Variants in COL26A1 observed in about 807,000 individuals in gnomAD.
COL26A1 encodes collagen type XXVI alpha 1 chain, also known as collagen alpha-1(XXVI) chain.
A neutral mutation model predicts 59.3 loss-of-function variants in COL26A1; 41 were observed. That is an observed-to-expected ratio of 0.69 (90% confidence interval 0.54 to 0.90). The LOEUF (loss-of-function observed/expected upper bound fraction) is 0.90, where lower values mean the gene tolerates loss of function less well. Ranked by LOEUF, COL26A1 falls within the 40% of genes least tolerant of loss-of-function variation. The pLI is 0.00. For synonymous variants in COL26A1, 266 were observed against 256.0 expected, an observed-to-expected ratio of 1.04 and a Z score of -0.37; for missense variants, 612 against 602.3, an observed-to-expected ratio of 1.02 and a Z score of -0.17.
chr7:101,463,738 CT>C (rs1274413338), intron 3 of COL26A1, among the ~76,000 whole-genome samples: 6 of 105,742 alleles, frequency 5.7e-5, no homozygotes, highest in African/African-American at 1.9e-4. Context: ...TCTCTCCCCC[CT>C]CCCTTCCTTC....
chr7:101,415,377 C>A (rs2130257005), intron 1 of COL26A1, among the ~76,000 whole-genome samples: 1 of 152,234 alleles, frequency 6.6e-6, no homozygotes. Context: ...TGGTCTCGAA[C>A]TCCTGACTTC....
At chr7:101,434,473 G>A (rs897719810) in intron 2 of COL26A1, among the ~76,000 whole-genome samples, 9 of 151,802 alleles carry the variant, frequency 5.9e-5, no homozygotes, top group African/African-American at 2.2e-4. Flanking sequence ...TGTTGCCCAG[G>A]CTGGTCTTGA....
At chr7:101,442,851 G>A (rs530239529) in intron 2 of COL26A1, among the ~76,000 whole-genome samples, 43 of 152,342 alleles carry the variant, frequency 2.8e-4, no homozygotes, top group African/African-American at 9.1e-4. Flanking sequence ...GTGTGAGTGC[G>A]TGTGTGGAAG....
intron 10 of COL26A1, 95 bp downstream of exon 10, chr7:101,551,238 T>TTGGGGGGGGGGTC: frequency 4.1e-6 from 2 of 491,354 alleles, no homozygotes; most frequent in Non-Finnish European, 4.0e-6. Flanking sequence ...GGTGGGGGGG[T>TTGGGGGGGGGGTC]TCAGCCCTGG....
chr7:101,543,042 C>T (rs1322293501), intron 5 of COL26A1, among the ~76,000 whole-genome samples: 2 of 152,158 alleles, frequency 1.3e-5, no homozygotes, highest in Non-Finnish European at 2.9e-5. Flanking sequence ...AACCTGGATT[C>T]CAGAGCGCAG....
At chr7:101,473,363 A>G (rs113296294) in intron 3 of COL26A1, among the ~76,000 whole-genome samples, 14,760 of 152,060 alleles carry the variant, frequency 0.097, 1,456 homozygotes, top group African/African-American at 0.26. Flanking sequence ...GGCGTGAGCC[A>G]CTGCGCCCGG....
intron 7 of COL26A1, 143 bp downstream of exon 7, chr7:101,545,633 T>G: frequency 2.5e-6 from 2 of 808,872 alleles, no homozygotes; most frequent in Non-Finnish European, 3.6e-6. Flanking sequence ...CCTGCAGGCC[T>G]CCTCCAGGAA....
intron 3 of COL26A1, among the ~76,000 whole-genome samples, chr7:101,492,512 C>CA (rs1794483154): frequency 6.6e-6 from 1 of 151,674 alleles, no homozygotes; most frequent in African/African-American, 2.4e-5. Context: ...GCCTGGCCAA[C>CA]ACGGAGAAAC....
intron 1 of COL26A1, among the ~76,000 whole-genome samples, chr7:101,378,956 A>G (rs1054143760): frequency 1.3e-5 from 2 of 152,038 alleles, no homozygotes; most frequent in South Asian, 4.2e-4. Flanking sequence ...AGGCCTGCCA[A>G]ACACTCACTG....
At chr7:101,385,915 G>A (rs983264270) in intron 1 of COL26A1, among the ~76,000 whole-genome samples, 66 of 151,716 alleles carry the variant, frequency 4.4e-4, no homozygotes, top group Admixed American at 2.4e-3. Flanking sequence ...TTAGCTAGTA[G>A]TTAGCTAGGA....
At chr7:101,486,928 C>G (rs935292279) in intron 3 of COL26A1, among the ~76,000 whole-genome samples, 1 of 152,218 alleles carries the variant, frequency 6.6e-6, no homozygotes, top group South Asian at 2.1e-4. Context: ...GTGTTTGCCC[C>G]CATGGTCATC....
chr7:101,500,286 T>C (rs1329327437), intron 3 of COL26A1, among the ~76,000 whole-genome samples: 1 of 152,172 alleles, frequency 6.6e-6, no homozygotes, highest in Non-Finnish European at 1.5e-5. Context: ...CTGTGGTCTC[T>C]CCTCCTCTCT....
chr7:101,440,202 C>A (rs1353926578), intron 2 of COL26A1, among the ~76,000 whole-genome samples: 1 of 151,952 alleles, frequency 6.6e-6, no homozygotes, highest in Non-Finnish European at 1.5e-5. Context: ...CCCATTTCTA[C>A]TGAAAATACA....
At chr7:101,440,933 C>T (rs1025812461) in intron 2 of COL26A1, among the ~76,000 whole-genome samples, 4 of 150,236 alleles carry the variant, frequency 2.7e-5, no homozygotes, top group East Asian at 2.0e-4. Context: ...GCCACGATTG[C>T]GCCACTGCAC....
chr7:101,455,160 A>G (rs1359479496), intron 3 of COL26A1, among the ~76,000 whole-genome samples: 2 of 149,650 alleles, frequency 1.3e-5, no homozygotes, highest in African/African-American at 2.5e-5. Context: ...CTCCCACCTC[A>G]GCCTCCCAAG....
intron 1 of COL26A1, among the ~76,000 whole-genome samples, chr7:101,369,990 G>A (rs1159591605): frequency 2.0e-5 from 3 of 151,920 alleles, no homozygotes; most frequent in African/African-American, 7.3e-5. Flanking sequence ...AGCCTCCGTA[G>A]TAGCTGGGAT....
In COL26A1 at chr7:101,445,802, C is replaced by T. The variant is rs1296351712; in HGVS notation, c.282-1882C>T. ...CGGTGGCCCATGTCTGTAATCGCAG[C>T]GCTTTGGGAGGCCGAGGTGGGCGGA... On this transcript the variant is annotated intron_variant, in intron 2 of 12. Coordinates refer to ENST00000313669, the MANE Select transcript of COL26A1 (RefSeq NM_001278563.3). 3.4e-5 allele frequency among the ~76,000 whole-genome samples: 5 copies of T among 148,228 alleles called. No individual in the cohort carries two copies. The East Asian group carries it at 6.0e-4, about 18-fold the overall frequency.
intron 2 of COL26A1, among the ~76,000 whole-genome samples, chr7:101,438,114 C>T (rs540215625): frequency 1.8e-4 from 28 of 151,636 alleles, no homozygotes; most frequent in African/African-American, 6.5e-4. Flanking sequence ...GTAATCCTAA[C>T]AGTCTGGGAA....
intron 3 of COL26A1, among the ~76,000 whole-genome samples, chr7:101,463,282 G>T (rs1166500917): frequency 6.6e-6 from 1 of 151,986 alleles, no homozygotes; most frequent in East Asian, 1.9e-4. Context: ...GTTTTTTTGT[G>T]ACTGCCTTAT....
Sources: gnomAD v4.1 joint callset for allele counts (sites outside exome capture counted in the v4.1 genomes callset) on GRCh38, gnomAD v4.1.1 for gene constraint, MANE v1.5 for transcripts, NCBI Gene and HGNC (gene_info 2026-07-23, HGNC 2026-07-21) for gene names.